SLC39A12: variants seen among roughly 807,000 people sequenced by gnomAD.
The protein encoded by SLC39A12 is zinc transporter ZIP12.
In SLC39A12, 63 loss-of-function variants were observed where a neutral mutation model predicts 71.1. The observed-to-expected ratio is 0.89, with a 90% confidence interval of 0.72 to 1.09. The LOEUF is 1.09. SLC39A12 is among the 50% of genes least tolerant of loss of function. The pLI is 0.00. For missense variants in SLC39A12, 892 were observed against 812.6 expected, an observed-to-expected ratio of 1.10 and a Z score of -1.19; for synonymous variants, 351 against 301.3, an observed-to-expected ratio of 1.16 and a Z score of -1.71.
At chr10:18,020,216 G>A (rs573583115) in intron 12 of SLC39A12, among the ~76,000 whole-genome samples, 2 of 152,040 alleles carry the variant, frequency 1.3e-5, no homozygotes, top group Non-Finnish European at 2.9e-5. Context: ...GAGAACATGC[G>A]GTATTTGGTT....
chr10:17,989,866 C>T (rs1835498272), intron 7 of SLC39A12, among the ~76,000 whole-genome samples: 1 of 151,574 alleles, frequency 6.6e-6, no homozygotes, highest in Non-Finnish European at 1.5e-5. Context: ...TGCAGTGAGC[C>T]GAGATCATGC....
At chr10:17,983,412 C>T (rs1424909187) in intron 6 of SLC39A12, among the ~76,000 whole-genome samples, 1 of 151,944 alleles carries the variant, frequency 6.6e-6, no homozygotes, top group East Asian at 1.9e-4. Context: ...CATTGGAGCC[C>T]AGCAGTTCAA....
chr10:18,033,462 C>T (rs12354651), intron 12 of SLC39A12, among the ~76,000 whole-genome samples: 5,386 of 146,196 alleles, frequency 0.037, 133 homozygotes, highest in East Asian at 0.15. Flanking sequence ...TATCCTCTGA[C>T]GGTAGTTTGT....
chr10:18,032,818 C>T (rs1448766929), intron 12 of SLC39A12, among the ~76,000 whole-genome samples: 20 of 149,990 alleles, frequency 1.3e-4, no homozygotes, highest in African/African-American at 4.4e-4. Context: ...TTTTGAAATA[C>T]GTCCCATCAA....
chr10:18,021,364 A>C (rs2130876053), intron 12 of SLC39A12, among the ~76,000 whole-genome samples: 1 of 152,086 alleles, frequency 6.6e-6, no homozygotes, highest in South Asian at 2.1e-4. Context: ...ATCATTATGT[A>C]ATGCCCTTTC....
chr10:18,041,557 C>T (rs962559872), intron 12 of SLC39A12, among the ~76,000 whole-genome samples: 8 of 133,210 alleles, frequency 6.0e-5, no homozygotes, highest in Non-Finnish European at 6.4e-5. Context: ...CACACACACA[C>T]GCACACATAC....
At chr10:18,035,909 G>A (rs1325859716) in intron 12 of SLC39A12, among the ~76,000 whole-genome samples, 6 of 152,152 alleles carry the variant, frequency 3.9e-5, no homozygotes, top group Admixed American at 3.9e-4. Flanking sequence ...ACCCTGCCGT[G>A]TGAGGTGTCA....
At position 18,012,389 on chromosome 10, in the gene SLC39A12, T is replaced by C. The variant is rs753972006; in HGVS notation, c.1947+9031T>C. Among the ~76,000 whole-genome samples the C allele has an allele frequency of 1.8e-4, 27 of 152,194 alleles. 1 individual carries two copies. Among genetic ancestry groups the C allele is most frequent in the Non-Finnish European group, 3.7e-4 (25 of 68,042 alleles). ...CTCCAGAATGTTGTAGAAAGGGAAA[T>C]CCTGGAGGGCCTTTTTAAGACTCTG... On this transcript the variant is annotated intron_variant, in intron 12 of 12. Coordinates refer to ENST00000377369, the MANE Select transcript of SLC39A12 (RefSeq NM_001145195.2).
intron 9 of SLC39A12, among the ~76,000 whole-genome samples, chr10:17,993,794 T>G (rs116991785): frequency 0.012 from 1,824 of 152,328 alleles, 15 homozygotes; most frequent in Non-Finnish European, 0.019. Context: ...ATCTTCTATA[T>G]TAATTCTCAA....
intron 4 of SLC39A12, among the ~76,000 whole-genome samples, chr10:17,974,277 C>T (rs1214093995): frequency 6.6e-6 from 1 of 152,080 alleles, no homozygotes; most frequent in African/African-American, 2.4e-5. Context: ...TTATTTAATT[C>T]ATTCGGCGAG....
Position 17,953,450 on chromosome 10 carries a change from C to T in SLC39A12, c.174C>T (p.His58=), listed in dbSNP as rs541928316. Residue 58 remains histidine (H), a synonymous_variant, in exon 2 of 13, where the codon CAC becomes CAT. Transcript: ENST00000377369. ...TCTCTGCTGGTGACCACCCACCCCA[C>T]AACCACTCAAGAAGCCTCATCAAAA... ...QVLSAGDHPP[H]NHSRSLIKTL... is the part of the protein sequence containing the mutation. 1 of 1,614,196 alleles carries T rather than the reference C, an allele frequency of 6.2e-7. No homozygotes were observed. The highest frequency in any genetic ancestry group is 2.2e-5 in the East Asian group (1 of 44,886).
chr10:17,969,432 C>T (rs897193973), intron 4 of SLC39A12, among the ~76,000 whole-genome samples: 8 of 152,196 alleles, frequency 5.3e-5, no homozygotes, highest in Admixed American at 4.6e-4. Flanking sequence ...TCCCTTTTCT[C>T]CATATCCTTG....
intron 10 of SLC39A12, among the ~76,000 whole-genome samples, chr10:17,997,166 C>T (rs1835710041): frequency 6.6e-6 from 1 of 152,138 alleles, no homozygotes; most frequent in Non-Finnish European, 1.5e-5. Flanking sequence ...GAAGACATGT[C>T]CTGCTTCAGG....
chr10:18,024,501 G>A (rs1252844410), intron 12 of SLC39A12, among the ~76,000 whole-genome samples: 1 of 152,110 alleles, frequency 6.6e-6, no homozygotes, highest in Non-Finnish European at 1.5e-5. Context: ...CTAGTGGGCA[G>A]CTATCCTTTC....
At chr10:17,964,071 A>G (rs1834760722) in intron 3 of SLC39A12, among the ~76,000 whole-genome samples, 1 of 152,176 alleles carries the variant, frequency 6.6e-6, no homozygotes, top group African/African-American at 2.4e-5. Context: ...AGCCCTGCCT[A>G]CTGCATGGAG....
rs543696835 is a variant in SLC39A12 at position 18,004,610 on chromosome 10, G to A, written c.1947+1252G>A. On this transcript the variant is annotated intron_variant, in intron 12 of 12. Coordinates refer to ENST00000377369, the MANE Select transcript of SLC39A12 (RefSeq NM_001145195.2). ...TAATTCTTATGAGATGCATGCAGAT[G>A]AGGTAAACACCAAATGTCCTTCCAT... is the stretch of plus-strand genomic sequence containing the variant. Among the ~76,000 whole-genome samples the A allele has an allele frequency of 5.3e-5, 8 of 152,256 alleles. No homozygotes were observed. The East Asian group carries it at 1.5e-3, about 29-fold the overall frequency.
chr10:17,961,926 G>C (rs1834702451), intron 3 of SLC39A12, 64 bp downstream of exon 3: 7 of 1,482,532 alleles, frequency 4.7e-6, no homozygotes, highest in Non-Finnish European at 6.4e-6. Flanking sequence ...CTTATTGTTT[G>C]TTCCTTATTT....
chr10:18,041,565 TAC>T lies in SLC39A12; in HGVS notation c.1948-1130_1948-1129del, dbSNP rs995325004. The stretch of plus-strand genomic sequence containing the variant: ...ACACACACACACACACACGCACACA[TAC>T]ACACACACATACATACACACACCAT... On this transcript the variant is annotated intron_variant, in intron 12 of 12. Transcript: ENST00000377369. Among the ~76,000 whole-genome samples, 20 of 123,906 alleles carry T rather than the reference TAC, an allele frequency of 1.6e-4. 1 individual carries two copies. Among genetic ancestry groups the T allele is most frequent in the African/African-American group, 4.9e-4 (16 of 32,510 alleles). 81.3% of individuals were successfully genotyped at this position (123,906 alleles called of 152,430 possible).
At chr10:18,019,828 G>A (rs943494936) in intron 12 of SLC39A12, among the ~76,000 whole-genome samples, 3 of 151,962 alleles carry the variant, frequency 2.0e-5, no homozygotes, top group Non-Finnish European at 4.4e-5. Context: ...CCAGAATGTG[G>A]TCTATCTTGT....
Sources: gnomAD v4.1 joint callset for allele counts (sites outside exome capture counted in the v4.1 genomes callset) on GRCh38, gnomAD v4.1.1 for gene constraint, MANE v1.5 for transcripts, NCBI Gene and HGNC (gene_info 2026-07-23, HGNC 2026-07-21) for gene names.